Variants in CAMK1D observed in about 807,000 individuals in gnomAD.
The protein encoded by CAMK1D is calcium/calmodulin dependent protein kinase ID.
CAMK1D carries 9 observed loss-of-function variants against 47.7 expected under a neutral mutation model. That is an observed-to-expected ratio of 0.19 (90% confidence interval 0.11 to 0.33). The LOEUF (loss-of-function observed/expected upper bound fraction) is 0.33, where lower values mean the gene tolerates loss of function less well. Among genes scored for constraint, CAMK1D ranks in the 10% least tolerant of loss-of-function variants. The probability of loss-of-function intolerance (pLI) is 1.00; values close to 1 mark genes in which losing one functional copy is unlikely to be tolerated. For missense variants in CAMK1D, 291 were observed against 488.7 expected, an observed-to-expected ratio of 0.60 and a Z score of 3.81; for synonymous variants, 184 against 184.9, an observed-to-expected ratio of 0.99 and a Z score of 0.04.
intron 6 of CAMK1D, among the ~76,000 whole-genome samples, chr10:12,801,391 T>TATCTATCTATCCATCCATCTATCC (rs1242051924): frequency 6.9e-6 from 1 of 145,354 alleles, no homozygotes; most frequent in Non-Finnish European, 1.5e-5. Context: ...TCTATCTATC[T>TATCTATCTATCCATCCATCTATCC]ATCCATCCAT....
chr10:12,777,774 G>A (rs539189551), intron 5 of CAMK1D, among the ~76,000 whole-genome samples: 11 of 152,330 alleles, frequency 7.2e-5, no homozygotes, highest in African/African-American at 1.9e-4. Context: ...GATGTCCACC[G>A]TGGGGCTCGC....
At chr10:12,387,371 A>G (rs1415063179) in intron 1 of CAMK1D, among the ~76,000 whole-genome samples, 1 of 51,162 alleles carries the variant, frequency 2.0e-5, no homozygotes, top group Non-Finnish European at 4.9e-5. Flanking sequence ...TATAATATAT[A>G]TATTATATAT....
At chr10:12,653,377 C>T (rs1053459419) in intron 2 of CAMK1D, among the ~76,000 whole-genome samples, 2 of 152,172 alleles carry the variant, frequency 1.3e-5, no homozygotes, top group African/African-American at 2.4e-5. Context: ...TTATTATGCA[C>T]ACTGATAGAG....
chr10:12,516,319 G>A (rs1398664644), intron 1 of CAMK1D, among the ~76,000 whole-genome samples: 2 of 151,974 alleles, frequency 1.3e-5, no homozygotes, highest in Admixed American at 6.6e-5. Flanking sequence ...ATCCTGGCCA[G>A]GCTGGTCTTG....
chr10:12,757,480 A>G (rs375528679), intron 3 of CAMK1D, among the ~76,000 whole-genome samples: 13 of 152,294 alleles, frequency 8.5e-5, no homozygotes, highest in East Asian at 3.9e-4. Context: ...AGTCAGCTCA[A>G]TAACCAAACA....
chr10:12,378,293 C>G (rs1197791897), intron 1 of CAMK1D, among the ~76,000 whole-genome samples: 3 of 152,176 alleles, frequency 2.0e-5, no homozygotes, highest in African/African-American at 4.8e-5. Flanking sequence ...ATTGCCCAGG[C>G]TAGGGTGAGG....
chr10:12,609,503 C>G (rs570677087), intron 2 of CAMK1D, among the ~76,000 whole-genome samples: 1 of 152,224 alleles, frequency 6.6e-6, no homozygotes, highest in Non-Finnish European at 1.5e-5. Context: ...CTGGACAGTC[C>G]CATCTGGGGA....
At chr10:12,768,857 C>T (rs1159605340) in intron 4 of CAMK1D, among the ~76,000 whole-genome samples, 3 of 152,210 alleles carry the variant, frequency 2.0e-5, no homozygotes, top group South Asian at 2.1e-4. Context: ...ACATAAAACA[C>T]GATGCAAATG....
intron 2 of CAMK1D, among the ~76,000 whole-genome samples, chr10:12,586,890 G>A (rs1411062787): frequency 6.6e-6 from 1 of 152,156 alleles, no homozygotes; most frequent in Non-Finnish European, 1.5e-5. Flanking sequence ...TGACAGGTGA[G>A]AACTTGTCTG....
intron 1 of CAMK1D, among the ~76,000 whole-genome samples, chr10:12,378,286 G>T (rs1241266384): frequency 6.6e-6 from 1 of 152,132 alleles, no homozygotes; most frequent in African/African-American, 2.4e-5. Flanking sequence ...TCACTCCATT[G>T]CCCAGGCTAG....
chr10:12,604,721 G>C (rs1288124126), intron 2 of CAMK1D, among the ~76,000 whole-genome samples: 1 of 152,098 alleles, frequency 6.6e-6, no homozygotes, highest in Non-Finnish European at 1.5e-5. Flanking sequence ...TGTGTCTAAG[G>C]TATATGATTC....
At chr10:12,434,878 C>A (rs1037269456) in intron 1 of CAMK1D, among the ~76,000 whole-genome samples, 1 of 152,098 alleles carries the variant, frequency 6.6e-6, no homozygotes, top group Admixed American at 6.6e-5. Flanking sequence ...ACCCTGACCT[C>A]CCTGCAGGAG....
chr10:12,481,426 A>G (rs1410287435), intron 1 of CAMK1D, among the ~76,000 whole-genome samples: 1 of 152,022 alleles, frequency 6.6e-6, no homozygotes, highest in South Asian at 2.1e-4. Flanking sequence ...CCACCAAACT[A>G]TCTTTGAAAA....
chr10:12,711,294 T>C (rs536972826), intron 3 of CAMK1D, among the ~76,000 whole-genome samples: 3 of 152,096 alleles, frequency 2.0e-5, no homozygotes, highest in South Asian at 4.1e-4. Context: ...ACCTGCAGGC[T>C]AAGGGGGAAA....
chr10:12,444,105 G>A (rs1203709075), intron 1 of CAMK1D, among the ~76,000 whole-genome samples: 1 of 152,146 alleles, frequency 6.6e-6, no homozygotes. Flanking sequence ...CACTGTCATC[G>A]CCATCTTGGT....
At chr10:12,421,239 T>C (rs1419175698) in intron 1 of CAMK1D, among the ~76,000 whole-genome samples, 3 of 152,194 alleles carry the variant, frequency 2.0e-5, no homozygotes, top group African/African-American at 7.2e-5. Context: ...GATCAGCCTG[T>C]GTTTTGCTCT....
chr10:12,589,149 C>A (rs1038938712), intron 2 of CAMK1D, among the ~76,000 whole-genome samples: 3 of 151,998 alleles, frequency 2.0e-5, no homozygotes, highest in African/African-American at 7.3e-5. Context: ...TAACTGGGAC[C>A]ACAGGTGCAC....
intron 2 of CAMK1D, among the ~76,000 whole-genome samples, chr10:12,661,941 T>A (rs11257934): frequency 0.018 from 2,703 of 152,326 alleles, 48 homozygotes; most frequent in South Asian, 0.11. Context: ...TATTATGTGG[T>A]GTGTAGAGCT....
At chr10:12,539,910 A>G (rs1836109516) in intron 1 of CAMK1D, among the ~76,000 whole-genome samples, 1 of 152,116 alleles carries the variant, frequency 6.6e-6, no homozygotes, top group Non-Finnish European at 1.5e-5. Flanking sequence ...TGTAATCTCA[A>G]AAAGAGGTGA....
Sources: allele counts gnomAD v4.1 joint callset (sites outside exome capture counted in the v4.1 genomes callset), GRCh38; gene constraint gnomAD v4.1.1; transcripts MANE v1.5; gene names NCBI Gene and HGNC (gene_info 2026-07-23, HGNC 2026-07-21).